ELAPOR1: variants seen among roughly 807,000 people sequenced by gnomAD.
ELAPOR1 encodes the protein endosome-lysosome associated apoptosis and autophagy regulator 1.
ELAPOR1 carries 77 observed loss-of-function variants against 119.7 expected under a neutral mutation model. The ratio of observed to expected loss-of-function variants is 0.64; its 90% confidence interval spans 0.54 to 0.78. The LOEUF (loss-of-function observed/expected upper bound fraction) is 0.78, where lower values mean the gene tolerates loss of function less well. Among genes scored for constraint, ELAPOR1 ranks in the 30% least tolerant of loss-of-function variants. The pLI is 0.00. For synonymous variants in ELAPOR1, 481 were observed against 487.2 expected (o/e 0.99, Z 0.17); for missense variants, 1,115 against 1,270.4 (o/e 0.88, Z 1.86).
chr1:109,156,785 A>T (rs1180840721), intron 1 of ELAPOR1, among the ~76,000 whole-genome samples: 1 of 151,940 alleles, frequency 6.6e-6, no homozygotes, highest in African/African-American at 2.4e-5. Context: ...AAATGTCTTC[A>T]TCCCCCTCAT....
At chr1:109,171,415 G>T (rs953594631) in intron 3 of ELAPOR1, among the ~76,000 whole-genome samples, 1 of 152,076 alleles carries the variant, frequency 6.6e-6, no homozygotes, top group Non-Finnish European at 1.5e-5. Context: ...AGCTGGGTGT[G>T]GTGGTGCATG....
At chr1:109,138,186 C>T (rs960763114) in intron 1 of ELAPOR1, among the ~76,000 whole-genome samples, 4 of 152,166 alleles carry the variant, frequency 2.6e-5, no homozygotes, top group African/African-American at 9.7e-5. Flanking sequence ...ATCAGGTTGA[C>T]CAGAGGAAGC....
In ELAPOR1 at chr1:109,202,950, C is replaced by T. The variant is rs756444350; in HGVS notation, c.2980C>T (p.Pro994Ser). ...GTCACCATCTCTCTTTCAGAGGACTCCTGATGGATTTGACTCAGTGCCGCT... is the reference window on the plus strand; with the variant it reads ...GTCACCATCTCTCTTTCAGAGGACTTCTGATGGATTTGACTCAGTGCCGCT... Reference protein sequence around the residue: ...KIKSFTSKRTPDGFDSVPLKT... With the variant: ...KIKSFTSKRTSDGFDSVPLKT... Residue 994 changes from proline (P) to serine (S), a missense_variant, in exon 22 of 22, where the codon CCT becomes TCT. Coordinates refer to ENST00000369939, the MANE Select transcript of ELAPOR1 (RefSeq NM_020775.5). 1 of 1,613,876 alleles carries T rather than the reference C, an allele frequency of 6.2e-7. No homozygotes were observed. The highest frequency in any genetic ancestry group is 8.5e-7 in the Non-Finnish European group (1 of 1,179,922).
At position 109,200,844 on chromosome 1, in the gene ELAPOR1, C is replaced by T; in HGVS notation, c.2917C>T (p.Leu973Phe). The T allele has an allele frequency of 6.2e-7, 1 of 1,614,188 alleles. No homozygotes were observed. The highest frequency in any genetic ancestry group is 8.5e-7 in the Non-Finnish European group (1 of 1,180,030). Reference sequence around the variant, plus strand: ...GGAAGGCGAGGATGTAGAGGACGACCTCATCTTTACCAGCAAGAAGTCACT... The same window carrying T: ...GGAAGGCGAGGATGTAGAGGACGACTTCATCTTTACCAGCAAGAAGTCACT... Reference protein sequence around the residue: ...IMEGEDVEDDLIFTSKKSLFG... With the variant: ...IMEGEDVEDDFIFTSKKSLFG... The change falls in exon 21 of 22, where the codon CTC (leucine) becomes TTC (phenylalanine). Residue 973 changes from leucine (L) to phenylalanine (F), a missense_variant. By Grantham distance (22) the Leu-to-Phe change is conservative. Coordinates refer to ENST00000369939, the MANE Select transcript of ELAPOR1 (RefSeq NM_020775.5).
intron 7 of ELAPOR1, among the ~76,000 whole-genome samples, chr1:109,175,824 CTCAAAAAAAA>C (rs1558051781): frequency 3.1e-5 from 1 of 31,972 alleles, no homozygotes. Flanking sequence ...GAGACTCAGT[CTCAAAAAAAA>C]AAAAAAAAAA....
intron 1 of ELAPOR1, among the ~76,000 whole-genome samples, chr1:109,121,410 G>A (rs1648408821): frequency 6.6e-6 from 1 of 152,258 alleles, no homozygotes; most frequent in African/African-American, 2.4e-5. Context: ...GCCTCCCAAA[G>A]TGCGTGAGCC....
At chr1:109,195,553 T>A (rs1313699879) in intron 15 of ELAPOR1, among the ~76,000 whole-genome samples, 2 of 152,020 alleles carry the variant, frequency 1.3e-5, no homozygotes, top group Middle Eastern at 3.4e-3. Context: ...CCCAGAAATA[T>A]GCAGAAGGAA....
intron 1 of ELAPOR1, among the ~76,000 whole-genome samples, chr1:109,133,016 G>A (rs1649244254): frequency 6.6e-6 from 1 of 152,174 alleles, no homozygotes; most frequent in Non-Finnish European, 1.5e-5. Context: ...GACCACTTGA[G>A]TCCAGGAGCT....
At chr1:109,194,642 TG>T in intron 15 of ELAPOR1, 48 bp downstream of exon 15, 1 of 1,566,658 alleles carries the variant, frequency 6.4e-7, no homozygotes, top group South Asian at 1.1e-5. Context: ...GGGAGGCCCA[TG>T]GATCAGAAGC....
intron 1 of ELAPOR1, among the ~76,000 whole-genome samples, chr1:109,144,061 A>ATATATATATATATTTTTTTTTTTTT: frequency 1.1e-5 from 1 of 89,016 alleles, no homozygotes; most frequent in African/African-American, 4.8e-5. Context: ...ATATTTATAT[A>ATATATATATATATTTTTTTTTTTTT]TTTTTTTTTT....
chr1:109,144,061 A>ATATATATTTTTTTTTTTTTTTTTTTTTT, intron 1 of ELAPOR1, among the ~76,000 whole-genome samples: 1 of 88,986 alleles, frequency 1.1e-5, no homozygotes, highest in African/African-American at 4.8e-5. Flanking sequence ...ATATTTATAT[A>ATATATATTTTTTTTTTTTTTTTTTTTTT]TTTTTTTTTT....
At chr1:109,121,781 T>TC in intron 1 of ELAPOR1, among the ~76,000 whole-genome samples, 1 of 151,274 alleles carries the variant, frequency 6.6e-6, no homozygotes, top group East Asian at 1.9e-4. Context: ...TACTTTTTTT[T>TC]TTTTTTTTTT....
intron 1 of ELAPOR1, among the ~76,000 whole-genome samples, chr1:109,115,698 G>A (rs1647948782): frequency 6.6e-6 from 1 of 152,204 alleles, no homozygotes; most frequent in African/African-American, 2.4e-5. Context: ...AAGAAGTCAG[G>A]TGTGGGGGGG....
rs755306225 is a variant in ELAPOR1 at position 109,197,652 on chromosome 1, T to C, written c.2300T>C (p.Ile767Thr). Residue 767 changes from isoleucine (I) to threonine (T), a missense_variant and splice_region_variant, in exon 16 of 22, where the codon ATT (isoleucine) becomes ACT (threonine). Ile to Thr is a moderately conservative substitution (Grantham distance 89, BLOSUM62 -1). Coordinates refer to ENST00000369939, the MANE Select transcript of ELAPOR1 (RefSeq NM_020775.5). ...SQPVSLADRL[I>T]GVTTDMTLDG... ...CCTGTCAGCCTTGCTGATCGACTTA[T>C]TGGTGAGTAACTCCGCTGCCTCAGC... The C allele has an allele frequency of 9.9e-6, 16 of 1,613,646 alleles. No individual in the cohort carries two copies. In the East Asian group the frequency reaches 1.3e-4, roughly 13 times the overall value.
At chr1:109,169,687 G>A (rs2101054394) in intron 3 of ELAPOR1, among the ~76,000 whole-genome samples, 1 of 152,308 alleles carries the variant, frequency 6.6e-6, no homozygotes, top group Non-Finnish European at 1.5e-5. Flanking sequence ...GGTCCAGGCT[G>A]GTGCTGGGAA....
chr1:109,166,136 C>T (rs1191905280), intron 3 of ELAPOR1, among the ~76,000 whole-genome samples: 1 of 152,032 alleles, frequency 6.6e-6, no homozygotes, highest in Non-Finnish European at 1.5e-5. Flanking sequence ...AGGATGGTCT[C>T]GATCTCCTGA....
At chr1:109,177,191 G>A (rs1433292025) in intron 7 of ELAPOR1, among the ~76,000 whole-genome samples, 1 of 150,106 alleles carries the variant, frequency 6.7e-6, no homozygotes, top group African/African-American at 2.5e-5. Flanking sequence ...GCCGGGCAGA[G>A]GCGCCCCTCA....
At chr1:109,171,423 A>C (rs190622124) in intron 3 of ELAPOR1, among the ~76,000 whole-genome samples, 1 of 151,954 alleles carries the variant, frequency 6.6e-6, no homozygotes, top group East Asian at 1.9e-4. Context: ...GTGGTGGTGC[A>C]TGCCTGTAAT....
intron 7 of ELAPOR1, among the ~76,000 whole-genome samples, chr1:109,180,605 A>G (rs1652633471): frequency 6.6e-6 from 1 of 152,198 alleles, no homozygotes; most frequent in African/African-American, 2.4e-5. Context: ...GGGGCCTGGC[A>G]TATAGTAAGC....
Sources: gnomAD v4.1 joint callset for allele counts (sites outside exome capture counted in the v4.1 genomes callset) on GRCh38, gnomAD v4.1.1 for gene constraint, MANE v1.5 for transcripts, NCBI Gene and HGNC (gene_info 2026-07-23, HGNC 2026-07-21) for gene names.